Variants in KCNMA1 observed in about 807,000 individuals in gnomAD.
KCNMA1 encodes the protein Calcium-activated potassium channel subunit alpha-1.
In KCNMA1, 29 loss-of-function variants were observed where a neutral mutation model predicts 140.0. That is an observed-to-expected ratio of 0.21 (90% confidence interval 0.15 to 0.28). The LOEUF is 0.28. Ranked by LOEUF, KCNMA1 falls within the 10% of genes least tolerant of loss-of-function variation. The pLI, the probability that KCNMA1 is intolerant of heterozygous loss-of-function variation, is 1.00. For synonymous variants in KCNMA1, 612 were observed against 611.9 expected (o/e 1.00, Z 0.00); for missense variants, 880 against 1,602.2 (o/e 0.55, Z 7.70).
At chr10:76,879,837 G>A (rs540774652) in intron 29 of KCNMA1, among the ~76,000 whole-genome samples, 2 of 152,340 alleles carry the variant, frequency 1.3e-5, no homozygotes, top group South Asian at 2.1e-4. Context: ...CTTTCAGAGA[G>A]GAGTAAAGTG....
At chr10:77,217,294 CA>C (rs549072905) in intron 3 of KCNMA1, among the ~76,000 whole-genome samples, 324 of 112,456 alleles carry the variant, frequency 2.9e-3, no homozygotes, top group Admixed American at 2.6e-3. Context: ...GACTCTGTCT[CA>C]AAAAAAAAAA....
chr10:77,236,580 A>T (rs1485019261), intron 3 of KCNMA1, among the ~76,000 whole-genome samples: 1 of 152,230 alleles, frequency 6.6e-6, no homozygotes, highest in Non-Finnish European at 1.5e-5. Flanking sequence ...GCTGGCTTCT[A>T]CACTAAAAGC....
At chr10:77,228,228 G>T (rs976943551) in intron 3 of KCNMA1, among the ~76,000 whole-genome samples, 1 of 152,012 alleles carries the variant, frequency 6.6e-6, no homozygotes, top group African/African-American at 2.4e-5. Flanking sequence ...GCCTCCCAAA[G>T]TGCTGGGATT....
intron 1 of KCNMA1, among the ~76,000 whole-genome samples, chr10:77,443,884 A>G (rs972200823): frequency 2.6e-5 from 4 of 152,238 alleles, no homozygotes; most frequent in African/African-American, 9.6e-5. Context: ...AAAATATTAT[A>G]TATTTCAAAG....
intron 1 of KCNMA1, among the ~76,000 whole-genome samples, chr10:77,551,661 T>G (rs2062879710): frequency 6.6e-6 from 1 of 152,162 alleles, no homozygotes; most frequent in Non-Finnish European, 1.5e-5. Flanking sequence ...ATGAGCACAA[T>G]GATGCTTCAA....
At chr10:77,370,566 C>G (rs2094626483) in intron 2 of KCNMA1, among the ~76,000 whole-genome samples, 1 of 152,128 alleles carries the variant, frequency 6.6e-6, no homozygotes, top group Non-Finnish European at 1.5e-5. Flanking sequence ...TAAAAAAAGT[C>G]AACATACAAA....
chr10:77,020,091 T>C (rs2092655823), intron 16 of KCNMA1: 1 of 152,176 alleles, frequency 6.6e-6, no homozygotes, highest in African/African-American at 2.4e-5. Flanking sequence ...AATTCAGGGA[T>C]TCTGAATAAA....
intron 2 of KCNMA1, among the ~76,000 whole-genome samples, chr10:77,257,549 A>G (rs952112584): frequency 2.6e-5 from 4 of 152,136 alleles, no homozygotes; most frequent in African/African-American, 7.2e-5. Context: ...AGGAAGAAGA[A>G]TTTTTGACAT....
intron 23 of KCNMA1, among the ~76,000 whole-genome samples, chr10:76,932,620 T>C (rs1299836055): frequency 6.6e-6 from 1 of 152,192 alleles, no homozygotes; most frequent in Non-Finnish European, 1.5e-5. Context: ...ATTTAATATA[T>C]AGATATATAG....
chr10:77,301,321 A>T (rs2076480945), intron 2 of KCNMA1, among the ~76,000 whole-genome samples: 1 of 152,226 alleles, frequency 6.6e-6, no homozygotes, highest in Non-Finnish European at 1.5e-5. Context: ...TGAACTTTGT[A>T]GAAATCTTTT....
intron 5 of KCNMA1, among the ~76,000 whole-genome samples, chr10:77,165,655 T>C (rs1190137824): frequency 6.6e-6 from 1 of 152,202 alleles, no homozygotes; most frequent in African/African-American, 2.4e-5. Context: ...CAAGTCCAAT[T>C]AGAATGGTTT....
At chr10:77,330,169 C>T (rs1196755275) in intron 2 of KCNMA1, among the ~76,000 whole-genome samples, 1 of 152,144 alleles carries the variant, frequency 6.6e-6, no homozygotes, top group African/African-American at 2.4e-5. Context: ...CACCCACCCA[C>T]CCACTGAGTT....
At chr10:77,168,076 G>T (rs576891942) in intron 5 of KCNMA1, among the ~76,000 whole-genome samples, 1 of 152,204 alleles carries the variant, frequency 6.6e-6, no homozygotes, top group African/African-American at 2.4e-5. Context: ...CTCATTGGTA[G>T]GGCTTTTAAA....
At chr10:77,471,871 A>G (rs997520403) in intron 1 of KCNMA1, among the ~76,000 whole-genome samples, 1 of 151,820 alleles carries the variant, frequency 6.6e-6, no homozygotes, top group African/African-American at 2.4e-5. Context: ...CATCACACAT[A>G]TATACACACA....
chr10:77,419,937 C>T (rs2096832134), intron 1 of KCNMA1, among the ~76,000 whole-genome samples: 1 of 152,204 alleles, frequency 6.6e-6, no homozygotes, highest in East Asian at 1.9e-4. Context: ...GTCATAGGAT[C>T]AATGGGCTAG....
rs1760330958 is a variant in KCNMA1, at chr10:77,637,410, G to A, written c.233C>T (p.Pro78Leu). Residue 78 changes from proline (P) to leucine (L), a missense_variant, in exon 1 of 28, where the codon CCG becomes CTG. This residue lies in a region of KCNMA1 where 31 missense variants were observed against 75.0 expected (regional missense o/e 0.41). Transcript: ENST00000286628. Reference protein sequence around the residue: ...ALIIPVTMEVPCDSRGQRMWW... With the variant: ...ALIIPVTMEVLCDSRGQRMWW... ...CATGCGTTGGCCCCGGCTGTCGCAC[G>A]GCACCTCCATGGTCACCGGGATGAT... 8 of 1,613,894 alleles carry A rather than the reference G, an allele frequency of 5.0e-6. No homozygotes were observed. Among genetic ancestry groups the A allele is most frequent in the South Asian group, 1.1e-5 (1 of 90,970 alleles).
intron 17 of KCNMA1, among the ~76,000 whole-genome samples, chr10:77,016,735 G>A (rs2092113715): frequency 6.6e-6 from 1 of 152,118 alleles, no homozygotes; most frequent in Non-Finnish European, 1.5e-5. Context: ...GAAAGAGCAA[G>A]TACCCAAATG....
At chr10:77,375,378 C>T (rs540621592) in intron 2 of KCNMA1, among the ~76,000 whole-genome samples, 13 of 152,308 alleles carry the variant, frequency 8.5e-5, no homozygotes, top group African/African-American at 3.1e-4. Context: ...AGGAGCTACT[C>T]AACACTTCAG....
chr10:77,165,699 C>T (rs961769801), intron 5 of KCNMA1, among the ~76,000 whole-genome samples: 7 of 152,124 alleles, frequency 4.6e-5, no homozygotes, highest in Non-Finnish European at 1.0e-4. Flanking sequence ...TATACTTAGC[C>T]CGAACACGTA....
Sources: gnomAD v4.1 joint callset for allele counts (sites outside exome capture counted in the v4.1 genomes callset) on GRCh38, gnomAD v4.1.1 for gene constraint, gnomAD v4.1.1 regional missense constraint, MANE v1.5 for transcripts, NCBI Gene and HGNC (gene_info 2026-07-23, HGNC 2026-07-21) for gene names.